GALNT17: variants seen among roughly 807,000 people sequenced by gnomAD.
GALNT17 encodes polypeptide N-acetylgalactosaminyltransferase 17.
GALNT17 carries 29 observed loss-of-function variants against 63.7 expected under a neutral mutation model. The observed-to-expected ratio is 0.46, with a 90% CI of 0.34 to 0.62. The LOEUF (loss-of-function observed/expected upper bound fraction) is 0.62, where lower values mean the gene tolerates loss of function less well. Ranked by LOEUF, GALNT17 falls within the 20% of genes least tolerant of loss-of-function variation. The pLI is 0.01. For missense variants in GALNT17, 603 were observed against 799.6 expected (o/e 0.75, Z 2.97); for synonymous variants, 305 against 318.3 (o/e 0.96, Z 0.45).
At position 71,540,093 on chromosome 7, in the gene GALNT17, C is replaced by CTTTTTTTTTTTTT. The variant is rs71089954; in HGVS notation, c.963-31169_963-31157dup. On this transcript the variant is annotated intron_variant, in intron 5 of 10. Transcript: ENST00000333538. ...ACAGTTGTGAGCCACTGTGCCTGGC[C>CTTTTTTTTTTTTT]TTTTTTTTTTTTTTTTTTTTTTTTT... 3.3e-4 allele frequency among the ~76,000 whole-genome samples: 11 copies of CTTTTTTTTTTTTT among 33,548 alleles called. 2 individuals are homozygous for CTTTTTTTTTTTTT. Among genetic ancestry groups the CTTTTTTTTTTTTT allele is most frequent in the Non-Finnish European group, 6.1e-4 (11 of 18,024 alleles). 22.0% of individuals were successfully genotyped at this position (33,548 alleles called of 152,430 possible).
chr7:71,521,807 A>AT (rs1249647517), intron 5 of GALNT17, among the ~76,000 whole-genome samples: 5 of 152,184 alleles, frequency 3.3e-5, no homozygotes, highest in African/African-American at 1.2e-4. Context: ...TGTCATGTTT[A>AT]TGACACATCC....
rs370303210 is a variant in GALNT17, at chr7:71,248,186, CAG to C, written c.239-87351_239-87350del. Among the ~76,000 whole-genome samples, 10 of 151,428 alleles carry C rather than the reference CAG, an allele frequency of 6.6e-5. No individual in the cohort carries two copies. The South Asian group carries it at 1.0e-3, about 16-fold the overall frequency. On this transcript the variant is annotated intron_variant, in intron 1 of 10. Transcript: ENST00000333538. Reference sequence around the variant, plus strand: ...CTTCTTCACAAGGTGGCAGAAAAGACAGAGAGAGAGAGAGCACAGGAAACTAC... The same window carrying C: ...CTTCTTCACAAGGTGGCAGAAAAGACAGAGAGAGAGAGCACAGGAAACTAC...
chr7:71,372,576 C>G (rs1345562011), intron 2 of GALNT17, among the ~76,000 whole-genome samples: 1 of 152,138 alleles, frequency 6.6e-6, no homozygotes, highest in Non-Finnish European at 1.5e-5. Flanking sequence ...CTCAGCCTCC[C>G]TAGTAGCTGG....
At chr7:71,344,715 T>G (rs1792060276) in intron 2 of GALNT17, among the ~76,000 whole-genome samples, 1 of 152,146 alleles carries the variant, frequency 6.6e-6, no homozygotes, top group Admixed American at 6.6e-5. Context: ...GAGGGGTGTT[T>G]TTAATAATAC....
At chr7:71,163,373 G>A (rs1211864408) in intron 1 of GALNT17, among the ~76,000 whole-genome samples, 1 of 152,138 alleles carries the variant, frequency 6.6e-6, no homozygotes, top group Non-Finnish European at 1.5e-5. Flanking sequence ...GAGGGAAGAG[G>A]CTTTGCCTAT....
intron 6 of GALNT17, among the ~76,000 whole-genome samples, chr7:71,585,359 AC>A (rs1789699561): frequency 6.6e-6 from 1 of 152,120 alleles, no homozygotes; most frequent in South Asian, 2.1e-4. Flanking sequence ...CACTGCCTAC[AC>A]CCATTAATTC....
intron 5 of GALNT17, among the ~76,000 whole-genome samples, chr7:71,462,957 A>G (rs1370552939): frequency 6.6e-6 from 1 of 152,180 alleles, no homozygotes; most frequent in East Asian, 1.9e-4. Context: ...ATGCACTGAG[A>G]CAGCAGATTG....
chr7:71,153,416 T>G (rs1458247715), intron 1 of GALNT17, among the ~76,000 whole-genome samples: 4 of 152,204 alleles, frequency 2.6e-5, no homozygotes, highest in Non-Finnish European at 5.9e-5. Context: ...GGGCCTCAGT[T>G]TTCTGCCCTG....
chr7:71,457,198 C>T lies in GALNT17; in HGVS notation c.962+36093C>T, dbSNP rs141774991. The stretch of plus-strand genomic sequence containing the variant: ...GGTGAAATTCAACAGAACCCTCTGA[C>T]GGAAAAGATCTTGAGGCCTGCAGGG... On this transcript the variant is annotated intron_variant, in intron 5 of 10. Transcript: ENST00000333538. 1.0e-3 allele frequency among the ~76,000 whole-genome samples: 158 copies of T among 152,244 alleles called. 1 individual carries two copies. The highest frequency in any genetic ancestry group is 3.5e-3 in the African/African-American group (144 of 41,542).
intron 7 of GALNT17, among the ~76,000 whole-genome samples, chr7:71,667,626 A>G (rs1339341778): frequency 6.6e-6 from 1 of 152,190 alleles, no homozygotes; most frequent in Non-Finnish European, 1.5e-5. Flanking sequence ...TGAATGTATT[A>G]TGATGTTCAT....
chr7:71,408,499 A>G (rs1398373859), intron 3 of GALNT17, among the ~76,000 whole-genome samples: 1 of 152,168 alleles, frequency 6.6e-6, no homozygotes, highest in Non-Finnish European at 1.5e-5. Context: ...AGGCAGGACC[A>G]TATGGGATCC....
intron 2 of GALNT17, among the ~76,000 whole-genome samples, chr7:71,361,808 C>G (rs951634613): frequency 4.1e-5 from 6 of 147,502 alleles, no homozygotes; most frequent in East Asian, 3.9e-4. Context: ...GAGAGAGAGA[C>G]AGAGAGAGAG....
intron 1 of GALNT17, among the ~76,000 whole-genome samples, chr7:71,308,156 C>T (rs1253197890): frequency 6.6e-6 from 1 of 152,070 alleles, no homozygotes; most frequent in Non-Finnish European, 1.5e-5. Context: ...TATATAAAGA[C>T]CTGCTATTTA....
At chr7:71,347,664 A>G (rs566649580) in intron 2 of GALNT17, among the ~76,000 whole-genome samples, 1 of 152,184 alleles carries the variant, frequency 6.6e-6, no homozygotes, top group Non-Finnish European at 1.5e-5. Context: ...CCAGCCTGAG[A>G]CAGATGCCAG....
intron 1 of GALNT17, among the ~76,000 whole-genome samples, chr7:71,241,689 A>C (rs917171350): frequency 1.3e-5 from 2 of 152,000 alleles, no homozygotes; most frequent in Admixed American, 6.6e-5. Context: ...GGAGTTCCCA[A>C]CCAGCTTGGA....
rs537730517 is a variant in GALNT17 at position 71,269,965 on chromosome 7, G to C, written c.239-65585G>C. ...CTGAAACGCTTTGTACTGATTTACA[G>C]GCTTTAGGAAATATTTTCATGAGTG... On this transcript the variant is annotated intron_variant, in intron 1 of 10. Transcript: ENST00000333538. Among the ~76,000 whole-genome samples, 11 of 152,268 alleles carry C rather than the reference G, an allele frequency of 7.2e-5. No homozygotes were observed. In the East Asian group the frequency reaches 2.1e-3, roughly 29 times the overall value.
chr7:71,266,935 GAGGTTTAAAATGC>G (rs906164783), intron 1 of GALNT17, among the ~76,000 whole-genome samples: 2 of 152,200 alleles, frequency 1.3e-5, no homozygotes, highest in Non-Finnish European at 2.9e-5. Flanking sequence ...GACTGACTCT[GAGGTTTAAAATGC>G]TGTCATTTTT....
At chr7:71,227,291 G>C (rs1263376772) in intron 1 of GALNT17, among the ~76,000 whole-genome samples, 1 of 151,766 alleles carries the variant, frequency 6.6e-6, no homozygotes, top group African/African-American at 2.4e-5. Flanking sequence ...TTGAGTGCAG[G>C]AGTTCAAGGC....
At chr7:71,234,847 G>A (rs957400953) in intron 1 of GALNT17, among the ~76,000 whole-genome samples, 3 of 152,184 alleles carry the variant, frequency 2.0e-5, no homozygotes, top group Admixed American at 2.0e-4. Context: ...CAGGTGGCCT[G>A]GGTGTCTAAG....
Sources: allele counts gnomAD v4.1 joint callset (sites outside exome capture counted in the v4.1 genomes callset), GRCh38; gene constraint gnomAD v4.1.1; transcripts MANE v1.5; gene names NCBI Gene and HGNC (gene_info 2026-07-23, HGNC 2026-07-21).